Variants in NLGN1 observed in about 807,000 individuals in gnomAD.
NLGN1 encodes neuroligin 1, also known as neuroligin-1.
Under a neutral mutation model 65.5 loss-of-function variants are expected in NLGN1, and 12 were observed. The observed-to-expected ratio is 0.18, with a 90% CI of 0.12 to 0.30. NLGN1 has a LOEUF of 0.30. Among genes scored for constraint, NLGN1 ranks in the 10% least tolerant of loss-of-function variants. NLGN1 has a pLI of 1.00. For synonymous variants in NLGN1, 350 were observed against 359.5 expected (o/e 0.97, Z 0.30); for missense variants, 750 against 1,007.1 (o/e 0.74, Z 3.46).
At chr3:173,502,875 T>C (rs1731385704) in intron 2 of NLGN1, among the ~76,000 whole-genome samples, 1 of 152,120 alleles carries the variant, frequency 6.6e-6, no homozygotes, top group Admixed American at 6.6e-5. Context: ...GAAGGTAAAA[T>C]GCACTTCCTA....
chr3:173,820,378 C>T (rs1252571752), intron 4 of NLGN1, among the ~76,000 whole-genome samples: 2 of 152,082 alleles, frequency 1.3e-5, no homozygotes, highest in Admixed American at 6.5e-5. Context: ...GGTTCCTGCT[C>T]AGCATGAGGT....
chr3:173,786,684 CT>C (rs1319584745), intron 3 of NLGN1, among the ~76,000 whole-genome samples: 1 of 152,122 alleles, frequency 6.6e-6, no homozygotes, highest in African/African-American at 2.4e-5. Context: ...ACATAGGATA[CT>C]ATTTCTTAAC....
intron 2 of NLGN1, among the ~76,000 whole-genome samples, chr3:173,449,012 G>A (rs988639674): frequency 4.2e-4 from 64 of 151,784 alleles, no homozygotes; most frequent in South Asian, 1.5e-3. Flanking sequence ...TCAAAAAACC[G>A]GCTCCTGGAT....
intron 4 of NLGN1, among the ~76,000 whole-genome samples, chr3:174,123,867 A>G (rs1718299042): frequency 6.6e-6 from 1 of 152,116 alleles, no homozygotes; most frequent in Non-Finnish European, 1.5e-5. Flanking sequence ...CTGCTCCTCC[A>G]GATACGTTGA....
At chr3:173,695,380 T>G (rs1766057809) in intron 3 of NLGN1, among the ~76,000 whole-genome samples, 1 of 152,120 alleles carries the variant, frequency 6.6e-6, no homozygotes, top group Non-Finnish European at 1.5e-5. Flanking sequence ...TAGGAAAAGA[T>G]AATTAGGTTT....
At chr3:173,689,270 G>C (rs1246350985) in intron 3 of NLGN1, among the ~76,000 whole-genome samples, 1 of 152,104 alleles carries the variant, frequency 6.6e-6, no homozygotes, top group Non-Finnish European at 1.5e-5. Flanking sequence ...GACTACTTTT[G>C]CTTCTAAGGG....
chr3:174,062,248 G>A (rs1415951029), intron 4 of NLGN1, among the ~76,000 whole-genome samples: 2 of 152,010 alleles, frequency 1.3e-5, no homozygotes, highest in Non-Finnish European at 2.9e-5. Context: ...GGGACAATGG[G>A]CGGTTACTGA....
At chr3:174,055,410 A>G (rs1282999412) in intron 4 of NLGN1, among the ~76,000 whole-genome samples, 1 of 151,960 alleles carries the variant, frequency 6.6e-6, no homozygotes, top group East Asian at 1.9e-4. Context: ...AGGCTGCAGA[A>G]AAGGCAAAGA....
At chr3:173,568,882 G>T (rs1026301751) in intron 2 of NLGN1, among the ~76,000 whole-genome samples, 4 of 152,072 alleles carry the variant, frequency 2.6e-5, no homozygotes, top group Non-Finnish European at 5.9e-5. Flanking sequence ...GGTTTCACCT[G>T]TTAGCCAGGG....
chr3:173,672,440 A>T (rs1022959295), intron 3 of NLGN1, among the ~76,000 whole-genome samples: 17 of 152,198 alleles, frequency 1.1e-4, no homozygotes, highest in South Asian at 2.1e-4. Context: ...GTCTGTTCTG[A>T]CACCTGATGA....
intron 4 of NLGN1, among the ~76,000 whole-genome samples, chr3:173,935,996 G>T: frequency 6.6e-6 from 1 of 151,918 alleles, no homozygotes; most frequent in Non-Finnish European, 1.5e-5. Context: ...CATTTTCAAG[G>T]ATAATACCTC....
chr3:173,500,905 T>C (rs952662018), intron 2 of NLGN1, among the ~76,000 whole-genome samples: 2 of 151,862 alleles, frequency 1.3e-5, no homozygotes, highest in Admixed American at 6.6e-5. Context: ...TGCTAATCTG[T>C]GAGCTTCATT....
chr3:173,550,372 G>A (rs182368205), intron 2 of NLGN1, among the ~76,000 whole-genome samples: 1 of 152,094 alleles, frequency 6.6e-6, no homozygotes, highest in Admixed American at 6.6e-5. Context: ...TGTTGTCAAG[G>A]AAGGATCATC....
chr3:174,229,034 C>T (rs1461126186), intron 4 of NLGN1, among the ~76,000 whole-genome samples: 3 of 152,052 alleles, frequency 2.0e-5, no homozygotes, highest in Admixed American at 6.6e-5. Context: ...TCTCAAATTG[C>T]CTGGGTTTAA....
At chr3:173,525,548 C>T (rs1171777480) in intron 2 of NLGN1, among the ~76,000 whole-genome samples, 1 of 151,870 alleles carries the variant, frequency 6.6e-6, no homozygotes, top group East Asian at 1.9e-4. Flanking sequence ...TAAGAACAAA[C>T]TTTTTGTTTC....
At chr3:174,183,396 T>C (rs1194149423) in intron 4 of NLGN1, among the ~76,000 whole-genome samples, 5 of 152,144 alleles carry the variant, frequency 3.3e-5, no homozygotes, top group Non-Finnish European at 5.9e-5. Context: ...CTTCTACCCA[T>C]ATTCAAGATG....
intron 4 of NLGN1, among the ~76,000 whole-genome samples, chr3:173,844,303 G>A (rs530793065): frequency 7.9e-5 from 12 of 152,306 alleles, no homozygotes; most frequent in Admixed American, 2.0e-4. Context: ...AAGTTTGGTA[G>A]TAGAGTAAGA....
chr3:173,814,109 G>T (rs1718537305), intron 4 of NLGN1, among the ~76,000 whole-genome samples: 1 of 152,354 alleles, frequency 6.6e-6, no homozygotes, highest in African/African-American at 2.4e-5. Context: ...AGGGTTCGTG[G>T]GGTCTGTGGC....
intron 2 of NLGN1, among the ~76,000 whole-genome samples, chr3:173,544,523 A>G (rs1577200971): frequency 6.6e-6 from 1 of 152,130 alleles, no homozygotes; most frequent in African/African-American, 2.4e-5. Flanking sequence ...AGTGGCTACC[A>G]GTTCCATTCC....
Sources: allele counts gnomAD v4.1 joint callset (sites outside exome capture counted in the v4.1 genomes callset), GRCh38; gene constraint gnomAD v4.1.1; transcripts MANE v1.5; gene names NCBI Gene and HGNC (gene_info 2026-07-23, HGNC 2026-07-21).